The following PIN4 variants were observed in gnomAD, a reference collection of about 807,000 sequenced individuals.
PIN4 encodes peptidylprolyl cis/trans isomerase, NIMA-interacting 4.
A neutral mutation model predicts 8.3 loss-of-function variants in PIN4; 3 were observed. That is an observed-to-expected ratio of 0.36 (90% CI 0.16 to 0.93). The LOEUF (loss-of-function observed/expected upper bound fraction) is 0.93, where lower values mean the gene tolerates loss of function less well. PIN4 is among the 40% of genes least tolerant of loss of function. The pLI is 0.44. For missense variants in PIN4, 75 were observed against 100.6 expected (o/e 0.75, Z 1.09); for synonymous variants, 18 against 32.5 (o/e 0.55, Z 1.52).
At chrX:72,254,446 C>T (rs1875166091) in intron 3 of PIN4, among the ~76,000 whole-genome samples, 1 of 112,300 alleles carries the variant, frequency 8.9e-6, no homozygotes, top group African/African-American at 3.2e-5. Context: ...TCCCTGTTTA[C>T]TTCCATGTTG....
chrX:72,238,999 T>G, intron 3 of PIN4: 1 of 929,808 alleles, frequency 1.1e-6, no homozygotes, highest in Non-Finnish European at 1.5e-6. Context: ...GTTTGGAGCT[T>G]GAATTTCGCT....
chrX:72,182,914 A>G (rs768222175), intron 1 of PIN4, among the ~76,000 whole-genome samples: 57 of 111,943 alleles, frequency 5.1e-4, no homozygotes, highest in Middle Eastern at 4.6e-3. Flanking sequence ...GGAGAGTGCT[A>G]TATATTCTGC....
chrX:72,193,178 G>A (rs1048319135), intron 2 of PIN4, among the ~76,000 whole-genome samples: 8 of 111,652 alleles, frequency 7.2e-5, no homozygotes, highest in African/African-American at 2.3e-4. Flanking sequence ...TAGAATACTC[G>A]TTTATTCATT....
chrX:72,186,118 C>T lies in PIN4; in HGVS notation c.44-343C>T, dbSNP rs768285519. On this transcript the variant is annotated intron_variant, in intron 1 of 3. Transcript: ENST00000373669. ...GATGTTGTAAAGCAAGCTTGTCCAA[C>T]CCACGGCCCACGGGCTGCATACGGC... 397 of 275,756 alleles carry T rather than the reference C, an allele frequency of 1.4e-3. 1 individual carries two copies. Among genetic ancestry groups the T allele is most frequent in the Non-Finnish European group, 1.9e-3 (290 of 150,433 alleles). 22.7% of individuals were successfully genotyped at this position (275,756 alleles called of 1,213,427 possible).
intron 2 of PIN4, among the ~76,000 whole-genome samples, chrX:72,196,256 C>T (rs2042764528): frequency 9.0e-6 from 1 of 111,085 alleles, no homozygotes; most frequent in Non-Finnish European, 1.9e-5. Context: ...AGCTTCCCGG[C>T]CGTGAGCGGC....
At chrX:72,188,531 G>A (rs1358311798) in intron 2 of PIN4, among the ~76,000 whole-genome samples, 1 of 111,215 alleles carries the variant, frequency 9.0e-6, no homozygotes. Flanking sequence ...CTAGTTTTTT[G>A]TATTTTTAGT....
At chrX:72,193,778 C>G (rs2042748746) in intron 2 of PIN4, among the ~76,000 whole-genome samples, 1 of 108,001 alleles carries the variant, frequency 9.3e-6, no homozygotes, top group East Asian at 2.9e-4. Flanking sequence ...GGCTGAGAGA[C>G]ACAAGAATCG....
chrX:72,196,708 A>G, intron 2 of PIN4, 77 bp from the exon 3 acceptor site: 1 of 858,342 alleles, frequency 1.2e-6, no homozygotes, highest in South Asian at 2.7e-5. Context: ...TGGTGGGGGT[A>G]ATCCAAATGT....
intron 3 of PIN4, among the ~76,000 whole-genome samples, chrX:72,223,872 G>A (rs2042939885): frequency 9.0e-6 from 1 of 111,274 alleles, no homozygotes; most frequent in Admixed American, 9.6e-5. Flanking sequence ...TGGACACTGG[G>A]CAAAGGCTTG....
chrX:72,229,556 G>A (rs912297164), intron 3 of PIN4, among the ~76,000 whole-genome samples: 1 of 111,937 alleles, frequency 8.9e-6, no homozygotes, highest in Admixed American at 9.5e-5. Flanking sequence ...TTCACCTACT[G>A]TCTTTCCATA....
chrX:72,235,389 CT>C lies in PIN4; in HGVS notation c.313-27296del, dbSNP rs144267277. Reference sequence around the variant, plus strand: ...CCTCCTCTTCTGCCTCCCTCTTCCACTTTTTTTTTTTTTTTTTTTTTTGGAG... The same window carrying C: ...CCTCCTCTTCTGCCTCCCTCTTCCACTTTTTTTTTTTTTTTTTTTTTGGAG... On this transcript the variant is annotated intron_variant, in intron 3 of 3. Coordinates refer to the PIN4 transcript ENST00000423432. 4.7e-3 allele frequency among the ~76,000 whole-genome samples: 319 copies of C among 68,541 alleles called. 1 individual carries two copies. The highest frequency in any genetic ancestry group is 0.018 in the African/African-American group (263 of 14,763). The allele number at this position is 68,541 out of a possible 115,157, so 59.5% of individuals were successfully genotyped here.
intron 3 of PIN4, chrX:72,238,905 C>T (rs1402657839): frequency 8.4e-7 from 1 of 1,190,413 alleles, no homozygotes; most frequent in African/African-American, 1.8e-5. Flanking sequence ...CTTCGGGATG[C>T]CTCCATGACC....
chrX:72,194,549 G>A (rs1290076745), intron 2 of PIN4, among the ~76,000 whole-genome samples: 2 of 103,433 alleles, frequency 1.9e-5, no homozygotes, highest in Non-Finnish European at 4.0e-5. Context: ...AAAAAAATTA[G>A]CCGCTAGCCA....
chrX:72,200,226 A>T (rs2042785275), downstream of PIN4, among the ~76,000 whole-genome samples: 2 of 111,920 alleles, frequency 1.8e-5, no homozygotes, highest in Non-Finnish European at 3.8e-5. Context: ...TATATACATT[A>T]TAGCATATGC....
At chrX:72,253,396 C>A (rs1357665639) in intron 3 of PIN4, among the ~76,000 whole-genome samples, 1 of 111,456 alleles carries the variant, frequency 9.0e-6, no homozygotes, top group Non-Finnish European at 1.9e-5. Context: ...GAGGCTGAGG[C>A]AGCTGGATTG....
intron 3 of PIN4, among the ~76,000 whole-genome samples, chrX:72,229,155 C>A (rs1189852339): frequency 9.0e-6 from 1 of 111,707 alleles, no homozygotes; most frequent in Non-Finnish European, 1.9e-5. Context: ...CCTTTTACAA[C>A]AAGCTTCACT....
chrX:72,245,271 C>T (rs1369163987), intron 3 of PIN4, among the ~76,000 whole-genome samples: 11 of 108,912 alleles, frequency 1.0e-4, no homozygotes, highest in African/African-American at 1.7e-4. Context: ...CAGGCTCCAG[C>T]GATTCTCCAA....
At chrX:72,224,005 C>T (rs2042940687) in intron 3 of PIN4, among the ~76,000 whole-genome samples, 1 of 111,253 alleles carries the variant, frequency 9.0e-6, no homozygotes, top group South Asian at 3.8e-4. Context: ...GGCCCCCTGA[C>T]CATCACAGGA....
intron 3 of PIN4, among the ~76,000 whole-genome samples, chrX:72,208,921 G>A (rs2042836644): frequency 9.0e-6 from 1 of 111,628 alleles, no homozygotes; most frequent in Non-Finnish European, 1.9e-5. Flanking sequence ...CACTAGTTGT[G>A]GAAAATGAAT....
Sources: gnomAD v4.1 joint callset for allele counts (sites outside exome capture counted in the v4.1 genomes callset) on GRCh38, gnomAD v4.1.1 for gene constraint, MANE v1.5 for transcripts, NCBI Gene and HGNC (gene_info 2026-07-23, HGNC 2026-07-21) for gene names.